The following CLYBL variants were observed in gnomAD, a reference collection of about 807,000 sequenced individuals.
CLYBL encodes citramalyl-CoA lyase, mitochondrial.
Under a neutral mutation model 38.9 loss-of-function variants are expected in CLYBL, and 31 were observed. The ratio of observed to expected loss-of-function variants is 0.80; its 90% CI spans 0.60 to 1.08. CLYBL has a LOEUF of 1.08. CLYBL is among the 50% of genes least tolerant of loss of function. CLYBL has a pLI of 0.00. For missense variants in CLYBL, 434 were observed against 411.6 expected, an observed-to-expected ratio of 1.05 and a Z score of -0.47; for synonymous variants, 171 against 158.6, an observed-to-expected ratio of 1.08 and a Z score of -0.59.
intron 2 of CLYBL, among the ~76,000 whole-genome samples, chr13:99,840,777 AAAAG>A (rs1198766786): frequency 1.4e-5 from 2 of 146,462 alleles, no homozygotes; most frequent in Middle Eastern, 3.2e-3. Context: ...AAAAAAAAAA[AAAAG>A]GGTTACATAT....
At chr13:99,794,986 C>T (rs2049993010) in intron 2 of CLYBL, among the ~76,000 whole-genome samples, 1 of 152,286 alleles carries the variant, frequency 6.6e-6, no homozygotes, top group African/African-American at 2.4e-5. Context: ...TAATATCATA[C>T]TTTTGCCATG....
chr13:99,695,570 A>ATCTTGGC lies in CLYBL; in HGVS notation c.63-77254_63-77253insTCTTGGC, dbSNP rs1348635290. Among the ~76,000 whole-genome samples the ATCTTGGC allele has an allele frequency of 3.3e-4, 50 of 151,868 alleles. No homozygotes were observed. The East Asian group carries it at 7.0e-3, about 21-fold the overall frequency. ...AGTCTCCCTCTGTCGCCCAGGCTGGAGTGCAGTGGCGTGATCTTGGCTCAC... is the reference window on the plus strand; with the variant it reads ...AGTCTCCCTCTGTCGCCCAGGCTGGATCTTGGCGTGCAGTGGCGTGATCTTGGCTCAC... On this transcript the variant is annotated intron_variant, in intron 1 of 8. Transcript: ENST00000339105.
intron 7 of CLYBL, among the ~76,000 whole-genome samples, chr13:99,889,157 G>T (rs978170064): frequency 6.6e-6 from 1 of 152,148 alleles, no homozygotes; most frequent in African/African-American, 2.4e-5. Flanking sequence ...AGCAGGTTCG[G>T]GAACATGGCA....
intron 7 of CLYBL, among the ~76,000 whole-genome samples, chr13:99,876,732 C>T (rs578142682): frequency 2.1e-4 from 32 of 152,132 alleles, no homozygotes; most frequent in African/African-American, 6.0e-4. Flanking sequence ...GAGAGGGCTG[C>T]GAGCAGAATT....
At chr13:99,831,492 C>T (rs1415526300) in intron 2 of CLYBL, among the ~76,000 whole-genome samples, 1 of 152,040 alleles carries the variant, frequency 6.6e-6, no homozygotes. Flanking sequence ...TGCGGCAAAC[C>T]ACCTTGGCAC....
chr13:99,705,261 G>A lies in CLYBL; in HGVS notation c.63-67563G>A, dbSNP rs921470883. On this transcript the variant is annotated intron_variant, in intron 1 of 8. Coordinates refer to ENST00000339105, the MANE Select transcript of CLYBL (RefSeq NM_206808.5). ...TACACATGCACACACACACACACAC[G>A]CAAGAATATTATTCAACCTTAAGAA... Among the ~76,000 whole-genome samples the A allele has an allele frequency of 5.3e-5, 8 of 150,156 alleles. No individual in the cohort carries two copies. The South Asian group carries it at 1.3e-3, about 24-fold the overall frequency.
chr13:99,850,490 A>T (rs530848331), intron 2 of CLYBL, among the ~76,000 whole-genome samples: 10 of 152,334 alleles, frequency 6.6e-5, no homozygotes, highest in African/African-American at 2.4e-4. Flanking sequence ...GGCTGTGACC[A>T]AAAACAAACC....
At chr13:99,785,191 C>CTTTTTTTTTTTTTTT (rs58550861) in intron 2 of CLYBL, among the ~76,000 whole-genome samples, 1 of 34,184 alleles carries the variant, frequency 2.9e-5, no homozygotes, top group Non-Finnish European at 4.6e-5. Context: ...CCCCGCCTGG[C>CTTTTTTTTTTTTTTT]TTTTTTTTTT....
chr13:99,864,941 C>G (rs201111226), intron 5 of CLYBL, 30 bp downstream of exon 5: 10 of 1,355,920 alleles, frequency 7.4e-6, no homozygotes, highest in African/African-American at 4.4e-5. Flanking sequence ...CTCTCTTTTT[C>G]TGTGTGTGTG....
rs140782510 is a variant in CLYBL at position 99,681,967 on chromosome 13, AG to A, written c.62+75212del. ...AATACGTCTTGAGAAATGCATCCTT[AG>A]GCAATTTCATCGTTGTGCTACCATC... On this transcript the variant is annotated intron_variant, in intron 1 of 8. Coordinates refer to ENST00000339105, the MANE Select transcript of CLYBL (RefSeq NM_206808.5). 7.0e-3 allele frequency among the ~76,000 whole-genome samples: 1,063 copies of A among 152,252 alleles called. 13 individuals carry two copies. Among genetic ancestry groups the A allele is most frequent in the African/African-American group, 0.024 (1,016 of 41,542 alleles).
intron 7 of CLYBL, among the ~76,000 whole-genome samples, chr13:99,874,573 A>C (rs1213360047): frequency 6.6e-6 from 1 of 152,146 alleles, no homozygotes; most frequent in African/African-American, 2.4e-5. Flanking sequence ...ATATACTGTA[A>C]AAATTGGATA....
At chr13:99,838,740 A>ATTC (rs1260263922) in intron 2 of CLYBL, among the ~76,000 whole-genome samples, 1 of 152,126 alleles carries the variant, frequency 6.6e-6, no homozygotes, top group Non-Finnish European at 1.5e-5. Context: ...GGTTCACGCC[A>ATTC]TTCTCCTGCC....
chr13:99,631,990 A>C (rs2046953063), intron 1 of CLYBL, among the ~76,000 whole-genome samples: 1 of 152,204 alleles, frequency 6.6e-6, no homozygotes, highest in Admixed American at 6.5e-5. Context: ...CTCAAAAGAC[A>C]AACTGCGGTG....
intron 1 of CLYBL, among the ~76,000 whole-genome samples, chr13:99,655,744 G>A (rs1172155418): frequency 6.6e-6 from 1 of 152,230 alleles, no homozygotes; most frequent in Non-Finnish European, 1.5e-5. Flanking sequence ...GTGCCCGTGA[G>A]TCAGATGGCA....
At chr13:99,611,169 ACTG>A (rs2046620954) in intron 1 of CLYBL, among the ~76,000 whole-genome samples, 1 of 152,226 alleles carries the variant, frequency 6.6e-6, no homozygotes, top group African/African-American at 2.4e-5. Context: ...TGCTGTTCTT[ACTG>A]AGATTCATAC....
At chr13:99,741,545 CT>C (rs904020224) in intron 1 of CLYBL, among the ~76,000 whole-genome samples, 3 of 151,796 alleles carry the variant, frequency 2.0e-5, no homozygotes, top group Admixed American at 6.6e-5. Flanking sequence ...GCATATGTAT[CT>C]TTTTTTTGGG....
At chr13:99,906,943 TG>T (rs1273877529) in intron 9 of CLYBL, among the ~76,000 whole-genome samples, 2 of 152,226 alleles carry the variant, frequency 1.3e-5, no homozygotes, top group African/African-American at 4.8e-5. Flanking sequence ...CGTCTACATC[TG>T]GGAATTTATC....
chr13:99,664,288 G>C (rs548023371), intron 1 of CLYBL, among the ~76,000 whole-genome samples: 1 of 152,268 alleles, frequency 6.6e-6, no homozygotes, highest in Admixed American at 6.5e-5. Flanking sequence ...CAATTTGTTT[G>C]CTTTTACATT....
chr13:99,735,139 A>G (rs1270310212), intron 1 of CLYBL, among the ~76,000 whole-genome samples: 1 of 152,170 alleles, frequency 6.6e-6, no homozygotes, highest in Admixed American at 6.5e-5. Flanking sequence ...TATTCTCACT[A>G]TCATTCTTTG....
Sources: gnomAD v4.1 joint callset for allele counts (sites outside exome capture counted in the v4.1 genomes callset) on GRCh38, gnomAD v4.1.1 for gene constraint, MANE v1.5 for transcripts, NCBI Gene and HGNC (gene_info 2026-07-23, HGNC 2026-07-21) for gene names.